CFDP1: variants seen among roughly 807,000 people sequenced by gnomAD.
CFDP1 encodes the protein chromatin remodeling protein CFDP1.
CFDP1 carries 31 observed loss-of-function variants against 40.1 expected under a neutral mutation model. That is an observed-to-expected ratio of 0.77 (90% CI 0.58 to 1.04). The LOEUF is 1.04. Among genes scored for constraint, CFDP1 ranks in the 50% least tolerant of loss-of-function variants. The probability of loss-of-function intolerance (pLI) is 0.00; values close to 1 mark genes in which losing one functional copy is unlikely to be tolerated. For missense variants in CFDP1, 423 were observed against 343.4 expected (o/e 1.23, Z -1.83); for synonymous variants, 167 against 120.0 (o/e 1.39, Z -2.56).
chr16:75,420,111 C>CAAAA (rs10706144), intron 1 of CFDP1, among the ~76,000 whole-genome samples: 3 of 62,626 alleles, frequency 4.8e-5, no homozygotes, highest in Admixed American at 2.1e-4. Context: ...ACCTTCATCT[C>CAAAA]AAAAAAAAAA....
intron 5 of CFDP1, among the ~76,000 whole-genome samples, chr16:75,349,650 CAAAAAAAAAAAAAAAAAAAA>C (rs61472076): frequency 1.6e-3 from 37 of 23,236 alleles, no homozygotes; most frequent in African/African-American, 4.5e-3. Flanking sequence ...GACTCCGTCT[CAAAAAAAAAAAAAAAAAAAA>C]AAAAAAAAAA....
chr16:75,429,760 A>T (rs1408305475), intron 1 of CFDP1, among the ~76,000 whole-genome samples: 3 of 152,252 alleles, frequency 2.0e-5, no homozygotes, highest in African/African-American at 7.2e-5. Context: ...AATCTAATGA[A>T]TGTAAATATT....
intron 6 of CFDP1, among the ~76,000 whole-genome samples, chr16:75,304,480 G>A (rs984889993): frequency 6.6e-6 from 1 of 152,198 alleles, no homozygotes; most frequent in East Asian, 1.9e-4. Flanking sequence ...GTATTCCACA[G>A]CGAAGAGAAA....
chr16:75,296,248 C>G (rs2078181351), intron 6 of CFDP1, among the ~76,000 whole-genome samples: 1 of 152,044 alleles, frequency 6.6e-6, no homozygotes, highest in Non-Finnish European at 1.5e-5. Context: ...TTCTTCCTGA[C>G]TTTATTTTTT....
chr16:75,428,285 T>C (rs116049724), intron 1 of CFDP1, among the ~76,000 whole-genome samples: 1 of 152,162 alleles, frequency 6.6e-6, no homozygotes, highest in Non-Finnish European at 1.5e-5. Context: ...TAAATGCTGA[T>C]ACTGCATTTA....
At chr16:75,305,454 A>C in intron 5 of CFDP1, 1 of 356,464 alleles carries the variant, frequency 2.8e-6, no homozygotes, top group Non-Finnish European at 5.1e-6. Flanking sequence ...TCTGTGTGGC[A>C]GGTCTCTGCT....
At chr16:75,295,722 G>A (rs990040053) in intron 6 of CFDP1, among the ~76,000 whole-genome samples, 5 of 152,206 alleles carry the variant, frequency 3.3e-5, no homozygotes, top group African/African-American at 1.2e-4. Flanking sequence ...CTTGGGGTCA[G>A]GATTGTCAGA....
chr16:75,318,208 T>C (rs994151885), intron 5 of CFDP1, among the ~76,000 whole-genome samples: 1 of 152,138 alleles, frequency 6.6e-6, no homozygotes, highest in African/African-American at 2.4e-5. Flanking sequence ...GTGACTGGTC[T>C]GTGCTGGTCT....
Position 75,392,309 on chromosome 16 carries a change from G to A in CFDP1, c.650+2781C>T, listed in dbSNP as rs1446204139. Among the ~76,000 whole-genome samples the A allele has an allele frequency of 2.6e-5, 4 of 152,046 alleles. No homozygotes were observed. The East Asian group carries it at 5.9e-4, about 22-fold the overall frequency. On this transcript the variant is annotated intron_variant, in intron 5 of 6. Transcript: ENST00000283882. The stretch of plus-strand genomic sequence containing the variant: ...AATCCCAGCTACTCTGGAGGCTGAC[G>A]CAGGAGAATGGCTTGAACCCAGGAG...
chr16:75,322,707 C>T (rs1033161399), intron 5 of CFDP1, among the ~76,000 whole-genome samples: 5 of 151,570 alleles, frequency 3.3e-5, no homozygotes, highest in Non-Finnish European at 4.4e-5. Context: ...AGGAGCATTT[C>T]GAATTTTGAA....
intron 4 of CFDP1, chr16:75,409,217 TC>T (rs2151581572): frequency 6.6e-6 from 1 of 152,320 alleles, no homozygotes; most frequent in Admixed American, 6.5e-5. Context: ...TATTAACACT[TC>T]CAATGAACAG....
chr16:75,433,151 T>G (rs1245059296), intron 1 of CFDP1, 138 bp downstream of exon 1: 3 of 764,440 alleles, frequency 3.9e-6, no homozygotes, highest in Non-Finnish European at 6.3e-6. Context: ...ATGAGGGGCC[T>G]GAGGGAGCGG....
At chr16:75,328,989 G>T (rs776265903) in intron 5 of CFDP1, among the ~76,000 whole-genome samples, 1 of 151,994 alleles carries the variant, frequency 6.6e-6, no homozygotes, top group Non-Finnish European at 1.5e-5. Flanking sequence ...TGGGACTACA[G>T]GCATGCGCCA....
At chr16:75,393,329 C>T (rs1477438135) in intron 5 of CFDP1, among the ~76,000 whole-genome samples, 2 of 152,170 alleles carry the variant, frequency 1.3e-5, no homozygotes, top group African/African-American at 4.8e-5. Context: ...ACATAAATGA[C>T]ATGCACTTAA....
chr16:75,340,488 C>A (rs2078519371), intron 5 of CFDP1, among the ~76,000 whole-genome samples: 1 of 152,264 alleles, frequency 6.6e-6, no homozygotes, highest in East Asian at 1.9e-4. Context: ...TAAACTCAAA[C>A]CACTTATGTT....
At chr16:75,395,715 A>T (rs535338888) in intron 4 of CFDP1, among the ~76,000 whole-genome samples, 1 of 152,168 alleles carries the variant, frequency 6.6e-6, no homozygotes, top group Non-Finnish European at 1.5e-5. Context: ...CAAATGAAAC[A>T]ACAATGTGTA....
intron 5 of CFDP1, among the ~76,000 whole-genome samples, chr16:75,327,805 G>A (rs557083032): frequency 3.8e-4 from 58 of 152,232 alleles, no homozygotes; most frequent in Middle Eastern, 3.4e-3. Context: ...CTCACTGCAA[G>A]CTCTACTTTT....
Position 75,410,055 on chromosome 16 carries a change from C to CAAAAAA in CFDP1, c.530+1764_530+1769dup, listed in dbSNP as rs150987819. 2.9e-4 allele frequency among the ~76,000 whole-genome samples: 15 copies of CAAAAAA among 52,542 alleles called. 1 individual carries two copies. Among genetic ancestry groups the CAAAAAA allele is most frequent in the African/African-American group, 9.6e-4 (12 of 12,530 alleles). The allele number at this position is 52,542 out of a possible 152,430, so 34.5% of individuals were successfully genotyped here. ...TAGGCAACACAGCAAGACCCTTTCTCAAAAAAAAAAAAAAAAAAAAAAAAA... is the reference window on the plus strand; with the variant it reads ...TAGGCAACACAGCAAGACCCTTTCTCAAAAAAAAAAAAAAAAAAAAAAAAAAAAAAA... On this transcript the variant is annotated intron_variant, in intron 4 of 6. Transcript: ENST00000283882.
chr16:75,415,975 C>A (rs2079200871), intron 1 of CFDP1, among the ~76,000 whole-genome samples: 1 of 152,138 alleles, frequency 6.6e-6, no homozygotes, highest in African/African-American at 2.4e-5. Context: ...GCCTTGGCCT[C>A]CTGAGTAGCT....
Sources: allele counts gnomAD v4.1 joint callset (sites outside exome capture counted in the v4.1 genomes callset), GRCh38; gene constraint gnomAD v4.1.1; transcripts MANE v1.5; gene names NCBI Gene and HGNC (gene_info 2026-07-23, HGNC 2026-07-21).